STK10: variants seen among roughly 807,000 people sequenced by gnomAD.
The protein encoded by STK10 is serine/threonine-protein kinase 10.
In STK10, 78 loss-of-function variants were observed where a neutral mutation model predicts 113.8. The observed-to-expected ratio is 0.69, with a 90% CI of 0.57 to 0.83. STK10 has a LOEUF of 0.83. STK10 is among the 40% of genes least tolerant of loss of function. The pLI is 0.00. For missense variants in STK10, 1,109 were observed against 1,280.1 expected, an observed-to-expected ratio of 0.87 and a Z score of 2.04; for synonymous variants, 465 against 494.7, an observed-to-expected ratio of 0.94 and a Z score of 0.80.
intron 13 of STK10, 68 bp downstream of exon 13, chr5:172,064,652 G>A: frequency 6.5e-7 from 1 of 1,532,848 alleles, no homozygotes; most frequent in Non-Finnish European, 9.0e-7. Context: ...AAGGCAGAGA[G>A]GGGGCCTGGT....
At chr5:172,158,876 G>A (rs1770407044) in intron 1 of STK10, among the ~76,000 whole-genome samples, 1 of 152,114 alleles carries the variant, frequency 6.6e-6, no homozygotes, top group Non-Finnish European at 1.5e-5. Context: ...AGGTTTCCAG[G>A]GGTTAGAAAG....
chr5:172,117,368 GTGAGGACCCCACACCCCCA>G, intron 4 of STK10, 94 bp downstream of exon 4: 1 of 1,281,874 alleles, frequency 7.8e-7, no homozygotes, highest in East Asian at 2.4e-5. Flanking sequence ...GGGCGTAGGC[GTGAGGACCCCACACCCCCA>G]TGAGGTCCAC....
At chr5:172,173,920 C>T (rs796670301) in intron 1 of STK10, among the ~76,000 whole-genome samples, 12 of 152,326 alleles carry the variant, frequency 7.9e-5, no homozygotes, top group African/African-American at 2.9e-4. Flanking sequence ...TTGATTTAGA[C>T]GTCACAGCTC....
At position 172,126,358 on chromosome 5, in the gene STK10, A is replaced by G. The variant is rs527831735; in HGVS notation, c.370+1015T>C. Among the ~76,000 whole-genome samples, 3 of 152,302 alleles carry G rather than the reference A, an allele frequency of 2.0e-5. No homozygotes were observed. In the East Asian group the frequency reaches 5.8e-4, roughly 29 times the overall value. ...GGCAGGTGGATCACCCAAGGTCAGG[A>G]GTTCGAGACCAGCCTGGCCAACATG... is the stretch of plus-strand genomic sequence containing the variant. On this transcript the variant is annotated intron_variant, in intron 3 of 18. Transcript: ENST00000176763.
intron 1 of STK10, among the ~76,000 whole-genome samples, chr5:172,165,129 C>T (rs990733914): frequency 6.6e-6 from 1 of 152,194 alleles, no homozygotes; most frequent in Non-Finnish European, 1.5e-5. Context: ...GAGTCAGCTG[C>T]ACAAAGGCCA....
chr5:172,132,388 A>G (rs1389449111), intron 2 of STK10, among the ~76,000 whole-genome samples: 1 of 151,478 alleles, frequency 6.6e-6, no homozygotes, highest in Admixed American at 6.6e-5. Context: ...TTTTTAATGG[A>G]AAGAACTGGC....
chr5:172,076,651 T>C (rs1768314188), intron 12 of STK10, among the ~76,000 whole-genome samples: 1 of 152,200 alleles, frequency 6.6e-6, no homozygotes, highest in South Asian at 2.1e-4. Flanking sequence ...AACAAAATAG[T>C]CCCCGGTTGA....
intron 1 of STK10, among the ~76,000 whole-genome samples, chr5:172,167,318 G>A (rs541022652): frequency 5.3e-5 from 8 of 152,200 alleles, no homozygotes; most frequent in African/African-American, 1.9e-4. Context: ...TGATAAACAA[G>A]AAGATAATAC....
intron 12 of STK10, among the ~76,000 whole-genome samples, chr5:172,070,549 C>T (rs1448048013): frequency 6.6e-6 from 1 of 152,000 alleles, no homozygotes; most frequent in Non-Finnish European, 1.5e-5. Flanking sequence ...AAAGAATAGT[C>T]TCAAATCAAT....
intron 7 of STK10, among the ~76,000 whole-genome samples, chr5:172,099,335 T>G (rs1441881808): frequency 1.3e-5 from 2 of 150,542 alleles, no homozygotes; most frequent in East Asian, 3.9e-4. Context: ...AGGTCAGGAG[T>G]TCAAGATCAG....
chr5:172,156,476 C>G, intron 2 of STK10, 148 bp downstream of exon 2: 2 of 1,043,032 alleles, frequency 1.9e-6, no homozygotes, highest in Non-Finnish European at 2.6e-6. Context: ...GGGTAAGTGG[C>G]CAGGAGCTCC....
chr5:172,087,623 A>ATTTTTTTTTTTT (rs1203616701), intron 10 of STK10, among the ~76,000 whole-genome samples: 1 of 85,188 alleles, frequency 1.2e-5, no homozygotes, highest in African/African-American at 5.8e-5. Flanking sequence ...TTACTTATTT[A>ATTTTTTTTTTTT]TTTTTTTTTT....
At chr5:172,138,943 G>A (rs966833943) in intron 2 of STK10, among the ~76,000 whole-genome samples, 1 of 152,224 alleles carries the variant, frequency 6.6e-6, no homozygotes, top group Admixed American at 6.5e-5. Context: ...GAACCCAGGA[G>A]GCGGAGCTTG....
chr5:172,146,151 A>C (rs530493491), intron 2 of STK10, among the ~76,000 whole-genome samples: 2 of 152,192 alleles, frequency 1.3e-5, no homozygotes, highest in South Asian at 4.1e-4. Context: ...GTAGAATGTA[A>C]ATTTCCAGAG....
chr5:172,172,245 C>T (rs188723529), intron 1 of STK10, among the ~76,000 whole-genome samples: 2 of 152,280 alleles, frequency 1.3e-5, no homozygotes, highest in South Asian at 2.1e-4. Flanking sequence ...ACACTCTTCC[C>T]CAACGTCATC....
intron 2 of STK10, among the ~76,000 whole-genome samples, chr5:172,142,339 G>A (rs958284114): frequency 2.0e-5 from 3 of 152,072 alleles, no homozygotes; most frequent in African/African-American, 7.2e-5. Context: ...CAGCCCTCTG[G>A]GAATAAATAT....
At chr5:172,148,078 G>A (rs1426242344) in intron 2 of STK10, among the ~76,000 whole-genome samples, 1 of 152,110 alleles carries the variant, frequency 6.6e-6, no homozygotes, top group South Asian at 2.1e-4. Context: ...TGAAAGCCAC[G>A]AGCAGGTCTG....
chr5:172,115,725 A>T (rs900094917), intron 4 of STK10, among the ~76,000 whole-genome samples: 5 of 152,236 alleles, frequency 3.3e-5, no homozygotes, highest in Non-Finnish European at 5.9e-5. Flanking sequence ...TGGATAAGTC[A>T]GTCTTGCTAG....
intron 3 of STK10, among the ~76,000 whole-genome samples, chr5:172,126,348 C>T (rs891628534): frequency 1.3e-5 from 2 of 152,088 alleles, no homozygotes; most frequent in African/African-American, 4.8e-5. Flanking sequence ...GTGGATCACC[C>T]AAGGTCAGGA....
Sources: gnomAD v4.1 joint callset for allele counts (sites outside exome capture counted in the v4.1 genomes callset) on GRCh38, gnomAD v4.1.1 for gene constraint, MANE v1.5 for transcripts, NCBI Gene and HGNC (gene_info 2026-07-23, HGNC 2026-07-21) for gene names.